PKNOX1: variants seen among roughly 807,000 people sequenced by gnomAD.
PKNOX1 encodes PBX/knotted 1 homeobox 1, also known as homeobox protein PKNOX1.
Under a neutral mutation model 51.9 loss-of-function variants are expected in PKNOX1, and 15 were observed. That is an observed-to-expected ratio of 0.29 (90% CI 0.19 to 0.45). PKNOX1 has a LOEUF of 0.45. PKNOX1 is among the 20% of genes least tolerant of loss of function. The pLI is 1.00. For missense variants in PKNOX1, 462 were observed against 547.5 expected, an observed-to-expected ratio of 0.84 and a Z score of 1.56; for synonymous variants, 219 against 211.1, an observed-to-expected ratio of 1.04 and a Z score of -0.32.
At chr21:42,986,154 A>G (rs1049628648) in intron 1 of PKNOX1, among the ~76,000 whole-genome samples, 2 of 152,188 alleles carry the variant, frequency 1.3e-5, no homozygotes, top group African/African-American at 2.4e-5. Context: ...TTTACGATCT[A>G]TGATTTTATT....
At chr21:43,014,441 A>G (rs559343519) in intron 5 of PKNOX1, among the ~76,000 whole-genome samples, 4 of 152,196 alleles carry the variant, frequency 2.6e-5, no homozygotes, top group East Asian at 3.9e-4. Context: ...CTCCAAGTCT[A>G]TAGTAGCTAA....
intron 3 of PKNOX1, among the ~76,000 whole-genome samples, chr21:43,008,746 T>A (rs1480776032): frequency 6.6e-6 from 1 of 151,974 alleles, no homozygotes; most frequent in African/African-American, 2.4e-5. Flanking sequence ...GCCACTGTAC[T>A]CCAGTCTGAG....
At chr21:43,019,925 ATTTTTTTTT>A (rs60174298) in intron 7 of PKNOX1, among the ~76,000 whole-genome samples, 2 of 85,904 alleles carry the variant, frequency 2.3e-5, no homozygotes, top group African/African-American at 5.0e-5. Context: ...AGGTGCTCTG[ATTTTTTTTT>A]TTTTTTTTTT....
intron 1 of PKNOX1, among the ~76,000 whole-genome samples, chr21:42,996,959 C>T (rs1403705736): frequency 6.6e-5 from 10 of 151,882 alleles, no homozygotes; most frequent in Non-Finnish European, 2.9e-5. Flanking sequence ...CGGCTCACTG[C>T]AACCTTTGCC....
intron 5 of PKNOX1, among the ~76,000 whole-genome samples, chr21:43,014,242 C>A (rs1311171594): frequency 6.6e-6 from 1 of 152,020 alleles, no homozygotes; most frequent in African/African-American, 2.4e-5. Context: ...AGGATGGTCT[C>A]GATCTCCTGA....
chr21:43,007,587 C>A lies in PKNOX1; in HGVS notation c.148C>A (p.Pro50Thr). The A allele has an allele frequency of 6.2e-7, 1 of 1,614,116 alleles. No individual in the cohort carries two copies. Among genetic ancestry groups the A allele is most frequent in the Non-Finnish European group, 8.5e-7 (1 of 1,180,026 alleles). ...CCCTCCCCCTGTGGAGTCTCAGACC[C>A]CGATGGATGTGGACAAGCAGGCCAT... ...VSPPPVESQT[P>T]MDVDKQAIYR... Residue 50 changes from proline (P) to threonine (T), a missense_variant, in exon 3 of 11, where the codon CCG becomes ACG. Pro to Thr is a conservative substitution (Grantham distance 38, BLOSUM62 -1). Around this residue, in one of 5 missense-constraint regions of PKNOX1, gnomAD observed 129 missense variants for 133.4 expected, o/e 0.97. Transcript: ENST00000291547.
At chr21:43,015,581 C>G (rs1441438423) in intron 5 of PKNOX1, among the ~76,000 whole-genome samples, 2 of 152,154 alleles carry the variant, frequency 1.3e-5, no homozygotes, top group African/African-American at 4.8e-5. Flanking sequence ...TCAAAATACA[C>G]AAACTTACAT....
chr21:43,022,216 C>T (rs1979791592), intron 8 of PKNOX1, among the ~76,000 whole-genome samples: 1 of 152,194 alleles, frequency 6.6e-6, no homozygotes, highest in Non-Finnish European at 1.5e-5. Context: ...TGTGTCCCAG[C>T]CTCCTCCTCC....
chr21:43,023,380 C>T (rs62219525), intron 8 of PKNOX1, among the ~76,000 whole-genome samples: 29 of 152,190 alleles, frequency 1.9e-4, no homozygotes, highest in Non-Finnish European at 3.4e-4. Context: ...GGTGTTTCCA[C>T]GCCGCACTCA....
At chr21:43,020,773 G>C (rs558964933) in intron 7 of PKNOX1, among the ~76,000 whole-genome samples, 1 of 152,146 alleles carries the variant, frequency 6.6e-6, no homozygotes, top group African/African-American at 2.4e-5. Context: ...CACTGACCTC[G>C]CTGCAGGAGG....
intron 6 of PKNOX1, 86 bp from the exon 7 acceptor site, chr21:43,018,047 C>CAAAAAA (rs60175567): frequency 0.015 from 4,277 of 276,504 alleles, 18 homozygotes; most frequent in Middle Eastern, 0.029. Flanking sequence ...CCTGTCTCTA[C>CAAAAAA]AAAAAAAAAA....
At position 43,013,298 on chromosome 21, in the gene PKNOX1, C is replaced by G. The variant is rs73909313; in HGVS notation, c.522+60C>G. The G allele has an allele frequency of 1.6e-5, 19 of 1,220,758 alleles. No individual in the cohort carries two copies. The African/African-American group carries it at 2.8e-4, about 18-fold the overall frequency. The allele number at this position is 1,220,758 out of a possible 1,614,324, so 75.6% of individuals were successfully genotyped here. A position where few individuals can be genotyped will look rare whatever the true frequency, so the allele number is the denominator to read the frequency against. ...GCCACTGTGAACATCTGCATTGAGT[C>G]ATGAGACCACCAGCTCTTTCAGAAT... On this transcript the variant is annotated intron_variant, in intron 5 of 10. Transcript: ENST00000291547.
At chr21:43,024,667 A>ATG (rs1275722573) in intron 8 of PKNOX1, 22,898 of 564,934 alleles carry the variant, frequency 0.041, 621 homozygotes, top group Middle Eastern at 0.076. Flanking sequence ...TGGCCTATGC[A>ATG]CTAACCAGCC....
intron 1 of PKNOX1, among the ~76,000 whole-genome samples, chr21:42,978,815 TC>T (rs1220538045): frequency 6.6e-6 from 1 of 151,986 alleles, no homozygotes; most frequent in Non-Finnish European, 1.5e-5. Flanking sequence ...AGATGAAGTC[TC>T]CCTATGTTAT....
intron 1 of PKNOX1, among the ~76,000 whole-genome samples, chr21:42,988,066 GT>G (rs1037590529): frequency 1.3e-4 from 12 of 89,448 alleles, no homozygotes; most frequent in East Asian, 9.3e-4. Context: ...TTTTGTTTTT[GT>G]TTTTGAGACG....
intron 1 of PKNOX1, among the ~76,000 whole-genome samples, chr21:42,991,733 CAA>C (rs11340187): frequency 4.1e-4 from 56 of 137,892 alleles, no homozygotes; most frequent in East Asian, 6.3e-4. Flanking sequence ...GACTCCGTCT[CAA>C]AAAAAAAAAA....
chr21:42,990,842 A>G (rs545338081), intron 1 of PKNOX1, among the ~76,000 whole-genome samples: 14 of 152,334 alleles, frequency 9.2e-5, no homozygotes, highest in African/African-American at 3.4e-4. Flanking sequence ...GGGGAAACTT[A>G]GCAAGGTCTG....
chr21:42,975,564 CT>C (rs1409871239), intron 1 of PKNOX1, among the ~76,000 whole-genome samples: 3 of 152,234 alleles, frequency 2.0e-5, no homozygotes, highest in Admixed American at 2.0e-4. Flanking sequence ...GCGGAGTCTG[CT>C]TTATGTCATC....
chr21:43,007,340 C>A, intron 2 of PKNOX1, 151 bp from the exon 3 acceptor site: 1 of 692,722 alleles, frequency 1.4e-6, no homozygotes, highest in Admixed American at 2.6e-5. Flanking sequence ...ACATTAAATT[C>A]AAAGCTGTTT....
Sources: gnomAD v4.1 joint callset for allele counts (sites outside exome capture counted in the v4.1 genomes callset) on GRCh38, gnomAD v4.1.1 for gene constraint, gnomAD v4.1.1 regional missense constraint, MANE v1.5 for transcripts, NCBI Gene and HGNC (gene_info 2026-07-23, HGNC 2026-07-21) for gene names.